MACROD2: variants seen among roughly 807,000 people sequenced by gnomAD.
MACROD2 encodes ADP-ribose glycohydrolase MACROD2.
A neutral mutation model predicts 70.4 loss-of-function variants in MACROD2; 36 were observed. The observed-to-expected ratio is 0.51, with a 90% CI of 0.39 to 0.68. The LOEUF is 0.68. MACROD2 is among the 30% of genes least tolerant of loss of function. The probability of loss-of-function intolerance (pLI) is 0.00; values close to 1 mark genes in which losing one functional copy is unlikely to be tolerated. For synonymous variants in MACROD2, 172 were observed against 178.8 expected (o/e 0.96, Z 0.30); for missense variants, 496 against 538.4 (o/e 0.92, Z 0.78).
chr20:14,755,624 T>C (rs2071930671), intron 5 of MACROD2, among the ~76,000 whole-genome samples: 1 of 152,090 alleles, frequency 6.6e-6, no homozygotes, highest in South Asian at 2.1e-4. Flanking sequence ...CAAAATTTAG[T>C]AGAAGGTGTG....
At chr20:15,021,171 CACATACAGGTGTGCGTAT>C (rs1438547558) in intron 5 of MACROD2, among the ~76,000 whole-genome samples, 1 of 122,650 alleles carries the variant, frequency 8.2e-6, no homozygotes, top group Non-Finnish European at 1.7e-5. Flanking sequence ...TGTATGTATA[CACATACAGGTGTGCGTAT>C]ACACACACCT....
chr20:14,836,074 A>G (rs866493770), intron 5 of MACROD2, among the ~76,000 whole-genome samples: 1 of 152,152 alleles, frequency 6.6e-6, no homozygotes, highest in Middle Eastern at 3.4e-3. Context: ...ATTTGTAGGT[A>G]TTAGACAAAA....
At chr20:14,670,291 A>G (rs2070779975) in intron 4 of MACROD2, among the ~76,000 whole-genome samples, 1 of 152,086 alleles carries the variant, frequency 6.6e-6, no homozygotes, top group Non-Finnish European at 1.5e-5. Context: ...CTTTAGTAGT[A>G]CCTAACATGA....
intron 3 of MACROD2, among the ~76,000 whole-genome samples, chr20:14,193,276 G>A (rs2081402810): frequency 6.6e-6 from 1 of 152,192 alleles, no homozygotes; most frequent in East Asian, 1.9e-4. Flanking sequence ...GATAGAAGAA[G>A]TTACCCCAAA....
At chr20:15,678,044 A>T (rs889949568) in intron 8 of MACROD2, among the ~76,000 whole-genome samples, 46 of 150,532 alleles carry the variant, frequency 3.1e-4, no homozygotes, top group Admixed American at 6.6e-5. Flanking sequence ...CAGCCTGGCA[A>T]CAGAACCAGA....
At chr20:14,377,262 A>G (rs1349405071) in intron 3 of MACROD2, among the ~76,000 whole-genome samples, 2 of 152,246 alleles carry the variant, frequency 1.3e-5, no homozygotes, top group East Asian at 1.9e-4. Context: ...TCTAAGGCTC[A>G]GAGAAAACAC....
intron 5 of MACROD2, among the ~76,000 whole-genome samples, chr20:15,078,705 TTTC>T (rs921533015): frequency 2.7e-5 from 3 of 112,106 alleles, no homozygotes; most frequent in African/African-American, 7.0e-5. Context: ...CTTCCTTCAC[TTTC>T]TTTTTTTTTT....
chr20:14,992,616 T>A (rs2074914841), intron 5 of MACROD2, among the ~76,000 whole-genome samples: 1 of 151,604 alleles, frequency 6.6e-6, no homozygotes, highest in South Asian at 2.1e-4. Context: ...TTTCTCCCAT[T>A]ATTTCCAGAG....
chr20:14,179,214 A>G (rs1464072845), intron 3 of MACROD2, among the ~76,000 whole-genome samples: 1 of 152,204 alleles, frequency 6.6e-6, no homozygotes, highest in Non-Finnish European at 1.5e-5. Context: ...GTGGGATGTC[A>G]TATTTACTTT....
chr20:15,566,919 A>G (rs6043367), intron 8 of MACROD2, among the ~76,000 whole-genome samples: 1,609 of 152,322 alleles, frequency 0.011, 22 homozygotes, highest in African/African-American at 0.034. Context: ...AGCAAAACTA[A>G]CTATACCCTG....
At chr20:15,342,144 T>A (rs1369415740) in intron 6 of MACROD2, among the ~76,000 whole-genome samples, 3 of 152,122 alleles carry the variant, frequency 2.0e-5, no homozygotes, top group East Asian at 1.9e-4. Context: ...AAGTAAAAAA[T>A]CTATTACATT....
chr20:14,431,790 G>C (rs2083997328), intron 3 of MACROD2, among the ~76,000 whole-genome samples: 1 of 152,166 alleles, frequency 6.6e-6, no homozygotes, highest in South Asian at 2.1e-4. Flanking sequence ...TGGTTTATCA[G>C]AGTTAGGGAC....
At chr20:15,618,852 C>T (rs142406564) in intron 8 of MACROD2, among the ~76,000 whole-genome samples, 72 of 152,208 alleles carry the variant, frequency 4.7e-4, no homozygotes, top group Admixed American at 8.5e-4. Flanking sequence ...GCCGGCTGTG[C>T]GGAGACAGGA....
chr20:15,529,862 CAG>C (rs1166960106), intron 8 of MACROD2, among the ~76,000 whole-genome samples: 12 of 152,066 alleles, frequency 7.9e-5, no homozygotes, highest in Non-Finnish European at 1.0e-4. Context: ...GTGGACAAAA[CAG>C]TGTGGGAGAG....
At chr20:15,297,689 A>G (rs1555802179) in intron 6 of MACROD2, among the ~76,000 whole-genome samples, 1 of 152,142 alleles carries the variant, frequency 6.6e-6, no homozygotes, top group African/African-American at 2.4e-5. Context: ...TAAGAGAACA[A>G]TTTCCTACTT....
At chr20:14,694,988 T>G (rs763068731) in intron 5 of MACROD2, among the ~76,000 whole-genome samples, 4 of 152,284 alleles carry the variant, frequency 2.6e-5, no homozygotes, top group East Asian at 3.9e-4. Context: ...ACGGAGTATG[T>G]CAGAATAATG....
chr20:14,359,248 G>T (rs192599727), intron 3 of MACROD2, among the ~76,000 whole-genome samples: 1 of 152,252 alleles, frequency 6.6e-6, no homozygotes, highest in East Asian at 1.9e-4. Flanking sequence ...ATAATTATCT[G>T]TAGGGGATTT....
intron 5 of MACROD2, among the ~76,000 whole-genome samples, chr20:14,869,760 A>G (rs2073467388): frequency 6.6e-6 from 1 of 152,134 alleles, no homozygotes; most frequent in Admixed American, 6.6e-5. Flanking sequence ...AAATATCTAA[A>G]TTGTAGAGAG....
chr20:14,655,852 G>GA (rs1985947282), intron 4 of MACROD2, among the ~76,000 whole-genome samples: 2 of 152,144 alleles, frequency 1.3e-5, no homozygotes, highest in Non-Finnish European at 2.9e-5. Flanking sequence ...TGGCTTTCTA[G>GA]AAAATGATAG....
Sources: allele counts gnomAD v4.1 joint callset (sites outside exome capture counted in the v4.1 genomes callset), GRCh38; gene constraint gnomAD v4.1.1; transcripts MANE v1.5; gene names NCBI Gene and HGNC (gene_info 2026-07-23, HGNC 2026-07-21).